EYS: variants seen among roughly 807,000 people sequenced by gnomAD.
EYS encodes EGF-like photoreceptor maintenance factor, also known as protein eyes shut homolog.
In EYS, 250 loss-of-function variants were observed where a neutral mutation model predicts 282.1. The observed-to-expected ratio is 0.89, with a 90% CI of 0.80 to 0.98. The LOEUF (loss-of-function observed/expected upper bound fraction) is 0.98. Ranked by LOEUF, EYS falls within the 50% of genes least tolerant of loss-of-function variation. EYS has a pLI of 0.00. For synonymous variants in EYS, 1,355 were observed against 1,282.9 expected (o/e 1.06, Z -1.20); for missense variants, 4,016 against 3,709.0 (o/e 1.08, Z -2.15).
chr6:64,030,311 A>T (rs2149828432), intron 33 of EYS, among the ~76,000 whole-genome samples: 1 of 152,326 alleles, frequency 6.6e-6, no homozygotes, highest in African/African-American at 2.4e-5. Flanking sequence ...TACTCCTTTA[A>T]AAGCCAGGGT....
At chr6:64,318,832 GACTT>G (rs1303326050) in intron 29 of EYS, among the ~76,000 whole-genome samples, 1 of 151,546 alleles carries the variant, frequency 6.6e-6, no homozygotes, top group Admixed American at 6.6e-5. Flanking sequence ...TTTTGATACA[GACTT>G]ACAATGTGTA....
chr6:65,126,148 T>C (rs1775711529), intron 12 of EYS, among the ~76,000 whole-genome samples: 1 of 152,148 alleles, frequency 6.6e-6, no homozygotes, highest in Non-Finnish European at 1.5e-5. Context: ...ATCAACATTT[T>C]ACCTTTTATA....
intron 14 of EYS, among the ~76,000 whole-genome samples, chr6:64,995,483 T>C (rs72875979): frequency 0.068 from 10,291 of 152,168 alleles, 442 homozygotes; most frequent in East Asian, 0.13. Flanking sequence ...AGACACAATA[T>C]CTGAAAGCTA....
intron 8 of EYS, among the ~76,000 whole-genome samples, chr6:65,363,893 A>G (rs6916611): frequency 0.67 from 101,348 of 150,732 alleles, 34,132 homozygotes; most frequent in South Asian, 0.71. Flanking sequence ...ATTTCAGTTT[A>G]TAAATTCAGA....
At chr6:64,809,194 G>A (rs539561160) in intron 22 of EYS, among the ~76,000 whole-genome samples, 19 of 152,028 alleles carry the variant, frequency 1.2e-4, no homozygotes, top group African/African-American at 3.6e-4. Context: ...CAATAAAGCC[G>A]GGATATAAAA....
intron 12 of EYS, among the ~76,000 whole-genome samples, chr6:65,180,535 C>G (rs1339460550): frequency 1.3e-5 from 2 of 151,982 alleles, no homozygotes; most frequent in Admixed American, 6.6e-5. Context: ...AACTACAAAC[C>G]ACTGCTCAAC....
Position 65,273,307 on chromosome 6 carries a change from C to T in EYS, c.2023+22556G>A, listed in dbSNP as rs1286246353. Among the ~76,000 whole-genome samples, 3 of 152,262 alleles carry T rather than the reference C, an allele frequency of 2.0e-5. No individual in the cohort carries two copies. In the East Asian group the frequency reaches 5.8e-4, roughly 29 times the overall value. ...GACTACTGGACTGTTAGTCTTTCCA[C>T]CAGCATTCCACAAGTGACTCCACAG... On this transcript the variant is annotated intron_variant, in intron 12 of 42. Coordinates refer to ENST00000503581, the MANE Select transcript of EYS (RefSeq NM_001142800.2).
chr6:63,761,047 AT>A (rs60604492), intron 41 of EYS, among the ~76,000 whole-genome samples: 14,609 of 138,084 alleles, frequency 0.11, 638 homozygotes, highest in East Asian at 0.17. Flanking sequence ...TATTTAACCG[AT>A]TTTTTTTTTT....
chr6:64,296,598 ATTTTTTTTTT>A (rs1173183488), intron 30 of EYS, among the ~76,000 whole-genome samples: 13 of 20,128 alleles, frequency 6.5e-4, no homozygotes, highest in Admixed American at 4.7e-3. Context: ...ATATATATAT[ATTTTTTTTTT>A]TTTTTTTTTT....
intron 14 of EYS, among the ~76,000 whole-genome samples, chr6:64,988,396 T>C (rs1218244493): frequency 6.6e-6 from 1 of 151,618 alleles, no homozygotes; most frequent in Non-Finnish European, 1.5e-5. Context: ...AAACAAATGC[T>C]ATCAGCATCT....
At chr6:64,173,563 C>A (rs957220778) in intron 31 of EYS, among the ~76,000 whole-genome samples, 3 of 152,198 alleles carry the variant, frequency 2.0e-5, no homozygotes, top group African/African-American at 7.2e-5. Flanking sequence ...TAGTTTAGAA[C>A]TTTAAATGGT....
At chr6:63,792,704 T>G (rs1582212246) in intron 37 of EYS, among the ~76,000 whole-genome samples, 1 of 152,036 alleles carries the variant, frequency 6.6e-6, no homozygotes, top group Non-Finnish European at 1.5e-5. Context: ...AATCCCCAAC[T>G]GTTTTTTTTT....
At chr6:65,609,854 T>A (rs1334566569) in intron 2 of EYS, among the ~76,000 whole-genome samples, 1 of 152,118 alleles carries the variant, frequency 6.6e-6, no homozygotes, top group Non-Finnish European at 1.5e-5. Flanking sequence ...ATAGGCCACA[T>A]ATCATGTGTC....
intron 41 of EYS, among the ~76,000 whole-genome samples, chr6:63,743,344 A>T (rs1769131522): frequency 6.6e-6 from 1 of 152,220 alleles, no homozygotes; most frequent in African/African-American, 2.4e-5. Context: ...ATTTTCCAGG[A>T]AGGAATTAGA....
chr6:64,703,425 A>ATTTTTTTTTT (rs1562144141), intron 22 of EYS, among the ~76,000 whole-genome samples: 1 of 20,734 alleles, frequency 4.8e-5, no homozygotes, highest in Non-Finnish European at 1.3e-4. Flanking sequence ...ATATATATAT[A>ATTTTTTTTTT]TATATTTTTT....
chr6:63,791,694 A>G (rs1039273947), intron 37 of EYS, among the ~76,000 whole-genome samples: 13 of 152,160 alleles, frequency 8.5e-5, no homozygotes, highest in African/African-American at 3.1e-4. Context: ...TTAAGGGTCT[A>G]ATATGCTGCA....
At chr6:64,294,613 G>T (rs913715251) in intron 30 of EYS, among the ~76,000 whole-genome samples, 2 of 152,118 alleles carry the variant, frequency 1.3e-5, no homozygotes, top group Non-Finnish European at 2.9e-5. Flanking sequence ...CAAATTAGTG[G>T]AGAGCTTCAA....
chr6:64,643,205 A>C (rs1455750047), intron 22 of EYS, among the ~76,000 whole-genome samples: 1 of 151,450 alleles, frequency 6.6e-6, no homozygotes, highest in Admixed American at 6.6e-5. Context: ...TCTTAGGGAG[A>C]GAAGACATGT....
chr6:64,483,193 G>A (rs1239850857), intron 26 of EYS, among the ~76,000 whole-genome samples: 1 of 151,610 alleles, frequency 6.6e-6, no homozygotes, highest in Non-Finnish European at 1.5e-5. Context: ...TGGACAATAT[G>A]TAAATATAAT....
Sources: gnomAD v4.1 joint callset for allele counts (sites outside exome capture counted in the v4.1 genomes callset) on GRCh38, gnomAD v4.1.1 for gene constraint, MANE v1.5 for transcripts, NCBI Gene and HGNC (gene_info 2026-07-23, HGNC 2026-07-21) for gene names.